UNC5D: variants seen among roughly 807,000 people sequenced by gnomAD.
UNC5D encodes unc-5 netrin receptor D.
In UNC5D, 39 loss-of-function variants were observed where a neutral mutation model predicts 105.4. The observed-to-expected ratio is 0.37, with a 90% CI of 0.29 to 0.48. UNC5D has a LOEUF of 0.48. Among genes scored for constraint, UNC5D ranks in the 20% least tolerant of loss-of-function variants. The pLI is 0.98. For missense variants in UNC5D, 991 were observed against 1,202.4 expected, an observed-to-expected ratio of 0.82 and a Z score of 2.60; for synonymous variants, 452 against 450.4, an observed-to-expected ratio of 1.00 and a Z score of -0.04.
intron 16 of UNC5D, 124 bp downstream of exon 16, chr8:35,774,601 C>T (rs139185705): frequency 1.0e-5 from 13 of 1,266,712 alleles, no homozygotes; most frequent in Middle Eastern, 2.3e-4. Flanking sequence ...GCCATATTTC[C>T]TGTGTGTTCC....
intron 4 of UNC5D, among the ~76,000 whole-genome samples, chr8:35,677,631 T>C (rs1320729482): frequency 6.6e-6 from 1 of 152,148 alleles, no homozygotes; most frequent in Non-Finnish European, 1.5e-5. Flanking sequence ...ATAAAGATCC[T>C]GCCATCAGTT....
intron 1 of UNC5D, among the ~76,000 whole-genome samples, chr8:35,246,783 A>G (rs1803129938): frequency 6.6e-6 from 1 of 151,944 alleles, no homozygotes; most frequent in Admixed American, 6.6e-5. Flanking sequence ...GTTGGTCCTC[A>G]TTTTCAGTAA....
At chr8:35,637,413 C>A (rs1201394465) in intron 4 of UNC5D, among the ~76,000 whole-genome samples, 1 of 152,150 alleles carries the variant, frequency 6.6e-6, no homozygotes, top group Non-Finnish European at 1.5e-5. Context: ...CACCTCCCAT[C>A]TAAAATCTCC....
chr8:35,511,162 T>G (rs932311175), intron 1 of UNC5D, among the ~76,000 whole-genome samples: 1 of 152,202 alleles, frequency 6.6e-6, no homozygotes, highest in East Asian at 1.9e-4. Flanking sequence ...ATTCTTCCCA[T>G]ACTTAGCACC....
At chr8:35,253,226 TGGAGTTATTTATGGTATGTTCTCAG>T (rs749996974) in intron 1 of UNC5D, among the ~76,000 whole-genome samples, 1 of 151,988 alleles carries the variant, frequency 6.6e-6, no homozygotes, top group Non-Finnish European at 1.5e-5. Flanking sequence ...TCTGATGAAG[TGGAGTTATTTATGGTATGTTCTCAG>T]GAGCTACAAT....
At chr8:35,766,533 A>G (rs1312616695) in intron 14 of UNC5D, among the ~76,000 whole-genome samples, 1 of 152,216 alleles carries the variant, frequency 6.6e-6, no homozygotes, top group South Asian at 2.1e-4. Context: ...CCGAAGTAGA[A>G]GCATGGCCCA....
intron 1 of UNC5D, among the ~76,000 whole-genome samples, chr8:35,448,885 T>C (rs1003755366): frequency 6.6e-6 from 1 of 152,150 alleles, no homozygotes; most frequent in Admixed American, 6.6e-5. Context: ...TTTTTAATTG[T>C]TTCAATTAAG....
At chr8:35,308,508 G>T (rs1161552651) in intron 1 of UNC5D, among the ~76,000 whole-genome samples, 2 of 152,008 alleles carry the variant, frequency 1.3e-5, no homozygotes, top group East Asian at 1.9e-4. Context: ...TAAAAACTTT[G>T]ACCTTCACAA....
chr8:35,535,174 TA>T (rs1411321768), intron 1 of UNC5D, among the ~76,000 whole-genome samples: 1 of 152,224 alleles, frequency 6.6e-6, no homozygotes, highest in Non-Finnish European at 1.5e-5. Context: ...CTATTGATGA[TA>T]AATAGCAAAC....
At chr8:35,246,590 T>C (rs549703641) in intron 1 of UNC5D, among the ~76,000 whole-genome samples, 112 of 152,190 alleles carry the variant, frequency 7.4e-4, no homozygotes, top group African/African-American at 2.5e-3. Context: ...TTCTTTTTTT[T>C]AGTAGATACC....
At chr8:35,775,274 T>A (rs1019008783) in intron 16 of UNC5D, among the ~76,000 whole-genome samples, 3 of 152,186 alleles carry the variant, frequency 2.0e-5, no homozygotes, top group African/African-American at 7.2e-5. Flanking sequence ...AACCAGAGGA[T>A]GTGAAATAAG....
intron 4 of UNC5D, among the ~76,000 whole-genome samples, chr8:35,601,730 T>G (rs1286095305): frequency 6.6e-6 from 1 of 152,222 alleles, no homozygotes; most frequent in African/African-American, 2.4e-5. Context: ...AAATATACAG[T>G]CATGTCATCT....
Position 35,437,965 on chromosome 8 carries a change from T to C in UNC5D, c.104-111327T>C, listed in dbSNP as rs150528502. 2.0e-3 allele frequency among the ~76,000 whole-genome samples: 308 copies of C among 152,138 alleles called. 5 individuals carry two copies. The highest frequency in any genetic ancestry group is 0.01 in the Admixed American group (155 of 15,226). ...TATGGTAAATAATCTGGTATTACTG[T>C]TATATCTGGCTCAGTTTTAACTCTG... On this transcript the variant is annotated intron_variant, in intron 1 of 16. Coordinates refer to ENST00000404895, the MANE Select transcript of UNC5D (RefSeq NM_080872.4).
chr8:35,780,866 A>G (rs1802472843), intron 16 of UNC5D, among the ~76,000 whole-genome samples: 1 of 152,200 alleles, frequency 6.6e-6, no homozygotes, highest in African/African-American at 2.4e-5. Context: ...ATTATATCTG[A>G]ATAAGGATGT....
chr8:35,410,709 C>T (rs954936506), intron 1 of UNC5D, among the ~76,000 whole-genome samples: 1 of 152,034 alleles, frequency 6.6e-6, no homozygotes, highest in African/African-American at 2.4e-5. Context: ...TTGAAAGTCT[C>T]ATATCAATAC....
chr8:35,540,139 G>C (rs1290686241), intron 1 of UNC5D, among the ~76,000 whole-genome samples: 1 of 152,138 alleles, frequency 6.6e-6, no homozygotes, highest in Non-Finnish European at 1.5e-5. Context: ...TAGGTTTTCA[G>C]ATGAATTTGA....
At chr8:35,467,339 T>C (rs1343765538) in intron 1 of UNC5D, among the ~76,000 whole-genome samples, 1 of 152,028 alleles carries the variant, frequency 6.6e-6, no homozygotes, top group Non-Finnish European at 1.5e-5. Flanking sequence ...TCTGGGAAGA[T>C]GAGGAAGTGG....
At chr8:35,680,276 A>G (rs1036487132) in intron 4 of UNC5D, among the ~76,000 whole-genome samples, 2 of 152,170 alleles carry the variant, frequency 1.3e-5, no homozygotes, top group African/African-American at 2.4e-5. Context: ...TAAAAACTCC[A>G]TGTGTGTTTC....
intron 3 of UNC5D, among the ~76,000 whole-genome samples, chr8:35,580,999 T>C (rs1045716091): frequency 2.0e-5 from 3 of 152,216 alleles, no homozygotes; most frequent in Admixed American, 2.0e-4. Flanking sequence ...TATTCAGTTT[T>C]GTGCACTTTC....
Sources: gnomAD v4.1 joint callset for allele counts (sites outside exome capture counted in the v4.1 genomes callset) on GRCh38, gnomAD v4.1.1 for gene constraint, MANE v1.5 for transcripts, NCBI Gene and HGNC (gene_info 2026-07-23, HGNC 2026-07-21) for gene names.